CHN2: variants seen among roughly 807,000 people sequenced by gnomAD.
CHN2 encodes chimerin 2.
In CHN2, 35 loss-of-function variants were observed where a neutral mutation model predicts 56.3. The observed-to-expected ratio is 0.62, with a 90% confidence interval of 0.47 to 0.82. The LOEUF (loss-of-function observed/expected upper bound fraction) is 0.82, where lower values mean the gene tolerates loss of function less well. CHN2 is among the 40% of genes least tolerant of loss of function. CHN2 has a pLI of 0.00. For synonymous variants in CHN2, 210 were observed against 212.8 expected, an observed-to-expected ratio of 0.99 and a Z score of 0.12; for missense variants, 491 against 580.5, an observed-to-expected ratio of 0.85 and a Z score of 1.58.
At chr7:29,187,230 A>T (rs978898366) in intron 2 of CHN2, among the ~76,000 whole-genome samples, 1 of 152,164 alleles carries the variant, frequency 6.6e-6, no homozygotes, top group African/African-American at 2.4e-5. Context: ...TAATCTGTCT[A>T]TACTTTTATT....
chr7:29,217,338 A>G (rs12700943), intron 1 of CHN2, among the ~76,000 whole-genome samples: 20,342 of 152,298 alleles, frequency 0.13, 1,713 homozygotes, highest in Non-Finnish European at 0.19. Context: ...AAATGCATGC[A>G]GGACATTCCT....
chr7:29,398,087 C>T, intron 4 of CHN2: 1 of 244,208 alleles, frequency 4.1e-6, no homozygotes, highest in South Asian at 1.3e-4. Flanking sequence ...GTTGAGTAAC[C>T]TGGCTTTTTG....
chr7:29,360,655 G>A (rs1033042557), intron 2 of CHN2, among the ~76,000 whole-genome samples: 6 of 152,334 alleles, frequency 3.9e-5, no homozygotes, highest in Admixed American at 2.6e-4. Context: ...CATGAAAATC[G>A]GGAAGACATG....
chr7:29,301,649 T>TTTCTCTGC (rs199998328), intron 1 of CHN2, among the ~76,000 whole-genome samples: 2 of 152,166 alleles, frequency 1.3e-5, no homozygotes, highest in Non-Finnish European at 2.9e-5. Context: ...TTTCTTAACA[T>TTTCTCTGC]CTCTCTGCCT....
chr7:29,214,499 A>G (rs1233184586), intron 1 of CHN2, among the ~76,000 whole-genome samples: 1 of 151,930 alleles, frequency 6.6e-6, no homozygotes, highest in Non-Finnish European at 1.5e-5. Context: ...GTTAATCTCA[A>G]CTCTTACAGA....
At chr7:29,257,482 C>G (rs762786803) in intron 1 of CHN2, among the ~76,000 whole-genome samples, 10 of 152,208 alleles carry the variant, frequency 6.6e-5, no homozygotes, top group Non-Finnish European at 1.5e-4. Flanking sequence ...CTCCACCATC[C>G]CTTCATCTTT....
chr7:29,345,711 C>CCAATAAG (rs1371714651), intron 1 of CHN2, among the ~76,000 whole-genome samples: 1 of 151,972 alleles, frequency 6.6e-6, no homozygotes, highest in African/African-American at 2.4e-5. Context: ...TTGCATTTAT[C>CCAATAAG]CAATAAGTAC....
At chr7:29,355,085 C>T (rs1034809344) in intron 2 of CHN2, among the ~76,000 whole-genome samples, 3 of 152,004 alleles carry the variant, frequency 2.0e-5, no homozygotes, top group African/African-American at 7.2e-5. Flanking sequence ...TCTCCTGCCT[C>T]AGCCTCCCAA....
chr7:29,279,297 C>T (rs1791485491), intron 1 of CHN2, among the ~76,000 whole-genome samples: 1 of 152,248 alleles, frequency 6.6e-6, no homozygotes, highest in African/African-American at 2.4e-5. Flanking sequence ...CTTTCCTTAT[C>T]ATCCCTCACG....
intron 6 of CHN2, among the ~76,000 whole-genome samples, chr7:29,416,586 G>A (rs1203787758): frequency 1.3e-5 from 2 of 152,184 alleles, no homozygotes; most frequent in African/African-American, 4.8e-5. Context: ...TTCTAGTACA[G>A]TAGGTGTGAC....
chr7:29,205,156 A>T (rs1784430894), intron 1 of CHN2, among the ~76,000 whole-genome samples: 1 of 152,206 alleles, frequency 6.6e-6, no homozygotes, highest in African/African-American at 2.4e-5. Context: ...GTCTGAATCC[A>T]TCTGTAGTTT....
intron 1 of CHN2, among the ~76,000 whole-genome samples, chr7:29,243,055 A>G (rs1787811150): frequency 6.6e-6 from 1 of 152,120 alleles, no homozygotes; most frequent in South Asian, 2.1e-4. Context: ...TTTAATGGAC[A>G]TATTTTGTGT....
intron 1 of CHN2, among the ~76,000 whole-genome samples, chr7:29,299,905 A>C (rs557264113): frequency 2.6e-5 from 4 of 152,304 alleles, no homozygotes; most frequent in Non-Finnish European, 4.4e-5. Flanking sequence ...GGATGAAGCA[A>C]CTTGGGGATG....
chr7:29,490,861 T>C (rs2128559806), intron 7 of CHN2, among the ~76,000 whole-genome samples: 1 of 152,338 alleles, frequency 6.6e-6, no homozygotes, highest in South Asian at 2.1e-4. Context: ...TTGATACGAA[T>C]ATTCCAAGTG....
chr7:29,409,510 C>T (rs1396699039), intron 6 of CHN2, among the ~76,000 whole-genome samples: 1 of 152,124 alleles, frequency 6.6e-6, no homozygotes, highest in Non-Finnish European at 1.5e-5. Flanking sequence ...TAAAAGAAGA[C>T]AGCTGGCTTC....
intron 1 of CHN2, among the ~76,000 whole-genome samples, chr7:29,279,284 A>G (rs1791483770): frequency 1.3e-5 from 2 of 152,262 alleles, no homozygotes; most frequent in Non-Finnish European, 2.9e-5. Context: ...AAATCAGAGT[A>G]TGCTTTCCTT....
chr7:29,174,793 G>A (rs1180713967), intron 2 of CHN2, among the ~76,000 whole-genome samples: 1 of 151,648 alleles, frequency 6.6e-6, no homozygotes. Flanking sequence ...CCAAGAGGTG[G>A]AGGTTGCAGT....
rs115528004 is a variant in CHN2 at position 29,416,956 on chromosome 7, C to T, written c.576+16128C>T. Among the ~76,000 whole-genome samples, 963 of 152,332 alleles carry T rather than the reference C, an allele frequency of 6.3e-3. 11 individuals are homozygous for T. The highest frequency in any genetic ancestry group is 0.022 in the African/African-American group (921 of 41,572). ...CATCTCCCCTGCAGAGGAGGTGCTG[C>T]ACAGTGGTTAGAGCGTGGGCTTCAG... On this transcript the variant is annotated intron_variant, in intron 6 of 12. Coordinates refer to ENST00000222792, the MANE Select transcript of CHN2 (RefSeq NM_004067.4).
At chr7:29,500,909 T>C (rs1292564604) in intron 9 of CHN2, among the ~76,000 whole-genome samples, 1 of 152,208 alleles carries the variant, frequency 6.6e-6, no homozygotes, top group Admixed American at 6.5e-5. Flanking sequence ...ACTTTTCCTT[T>C]ATTTGTGCTT....
Sources: allele counts gnomAD v4.1 joint callset (sites outside exome capture counted in the v4.1 genomes callset), GRCh38; gene constraint gnomAD v4.1.1; transcripts MANE v1.5; gene names NCBI Gene and HGNC (gene_info 2026-07-23, HGNC 2026-07-21).